Variants in SCAPER observed in about 807,000 individuals in gnomAD.
SCAPER encodes the protein S phase cyclin A-associated protein in the endoplasmic reticulum.
In SCAPER, 98 loss-of-function variants were observed where a neutral mutation model predicts 182.2. That is an observed-to-expected ratio of 0.54 (90% CI 0.46 to 0.64). The LOEUF is 0.64. Ranked by LOEUF, SCAPER falls within the 30% of genes least tolerant of loss-of-function variation. SCAPER has a pLI of 0.00. For synonymous variants in SCAPER, 605 were observed against 564.6 expected (o/e 1.07, Z -1.01); for missense variants, 1,432 against 1,690.0 (o/e 0.85, Z 2.68).
chr15:76,468,149 C>T (rs1467468145), intron 25 of SCAPER, among the ~76,000 whole-genome samples: 1 of 152,046 alleles, frequency 6.6e-6, no homozygotes, highest in East Asian at 1.9e-4. Context: ...AAAATACACT[C>T]AAGTGATTTT....
chr15:76,531,323 C>T (rs566911177), intron 23 of SCAPER, among the ~76,000 whole-genome samples: 33 of 152,064 alleles, frequency 2.2e-4, no homozygotes, highest in Non-Finnish European at 4.7e-4. Flanking sequence ...AAAAACACTC[C>T]CTACAAAAAC....
At chr15:76,587,230 A>G (rs752656486) in intron 22 of SCAPER, among the ~76,000 whole-genome samples, 20 of 152,074 alleles carry the variant, frequency 1.3e-4, no homozygotes, top group Non-Finnish European at 2.6e-4. Flanking sequence ...TATCTTTTCA[A>G]AGAATCAGCT....
At position 76,767,080 on chromosome 15, in the gene SCAPER, T is replaced by G. The variant is rs772500833; in HGVS notation, c.1257A>C (p.Ala419=). Residue 419 remains alanine (A), a synonymous_variant, in exon 11 of 32, where the codon GCA becomes GCC. Transcript: ENST00000563290. The stretch of plus-strand genomic sequence containing the variant: ...GCTCTTCTTTTTTAGCAAGGACTTC[T>G]GCCATGGACTATAAAGTTAAAAACA... ...MDPSDISNSM[A]EVLAKKEELA... The G allele has an allele frequency of 1.9e-6, 3 of 1,582,224 alleles. No individual in the cohort carries two copies. The East Asian group carries it at 6.8e-5, about 36-fold the overall frequency.
chr15:76,608,921 T>C (rs2050721938), intron 22 of SCAPER, among the ~76,000 whole-genome samples: 1 of 152,190 alleles, frequency 6.6e-6, no homozygotes, highest in South Asian at 2.1e-4. Context: ...GTGCCGTCTG[T>C]CACCCCTTTC....
intron 22 of SCAPER, among the ~76,000 whole-genome samples, chr15:76,590,143 A>G (rs2145654108): frequency 6.6e-6 from 1 of 152,256 alleles, no homozygotes; most frequent in South Asian, 2.1e-4. Context: ...TCAACAGTGC[A>G]AGTCTCCACA....
At chr15:76,734,590 C>T (rs2061129299) in intron 15 of SCAPER, among the ~76,000 whole-genome samples, 1 of 152,112 alleles carries the variant, frequency 6.6e-6, no homozygotes, top group South Asian at 2.1e-4. Flanking sequence ...ACTCAAAATA[C>T]AAGATAGGCC....
intron 20 of SCAPER, among the ~76,000 whole-genome samples, chr15:76,696,505 G>A (rs1159219256): frequency 2.0e-4 from 30 of 151,658 alleles, no homozygotes. Flanking sequence ...AAGTATACAA[G>A]GTAACAAACA....
chr15:76,801,217 T>G (rs2065765876), intron 6 of SCAPER, among the ~76,000 whole-genome samples: 1 of 152,218 alleles, frequency 6.6e-6, no homozygotes, highest in South Asian at 2.1e-4. Flanking sequence ...ATTTGCACCA[T>G]TTTCTGATTA....
At chr15:76,714,164 C>T (rs1448239562) in intron 17 of SCAPER, among the ~76,000 whole-genome samples, 1 of 151,762 alleles carries the variant, frequency 6.6e-6, no homozygotes, top group Non-Finnish European at 1.5e-5. Context: ...CTGTGTTGGG[C>T]TGAGGATAGA....
chr15:76,436,846 C>A (rs1280691151), intron 25 of SCAPER, among the ~76,000 whole-genome samples: 2 of 152,164 alleles, frequency 1.3e-5, no homozygotes, highest in Admixed American at 6.5e-5. Context: ...TGAGACCACA[C>A]TTTTCTGCTG....
chr15:76,536,285 A>C (rs1413114533), intron 23 of SCAPER, among the ~76,000 whole-genome samples: 1 of 152,166 alleles, frequency 6.6e-6, no homozygotes, highest in African/African-American at 2.4e-5. Flanking sequence ...CTTCAGCTCA[A>C]GAGTTCACAT....
At chr15:76,692,458 G>T (rs2058413177) in intron 20 of SCAPER, among the ~76,000 whole-genome samples, 1 of 152,122 alleles carries the variant, frequency 6.6e-6, no homozygotes, top group South Asian at 2.1e-4. Flanking sequence ...GGAGGCTGAG[G>T]CTGGTGGATC....
chr15:76,635,267 A>G (rs2053492641), intron 21 of SCAPER, among the ~76,000 whole-genome samples: 1 of 152,130 alleles, frequency 6.6e-6, no homozygotes, highest in African/African-American at 2.4e-5. Context: ...GGTGCACTCA[A>G]ATACATATCT....
At chr15:76,467,993 T>C (rs754148966) in intron 25 of SCAPER, among the ~76,000 whole-genome samples, 80 of 152,294 alleles carry the variant, frequency 5.3e-4, no homozygotes, top group Middle Eastern at 3.4e-3. Context: ...CAGATCACAA[T>C]TAATTAGCTT....
chr15:76,721,141 T>C (rs2060213525), intron 17 of SCAPER, among the ~76,000 whole-genome samples: 1 of 152,250 alleles, frequency 6.6e-6, no homozygotes, highest in South Asian at 2.1e-4. Flanking sequence ...GCTTTCTACA[T>C]ATGGCTAGCC....
chr15:76,888,838 T>C (rs1042007872), intron 1 of SCAPER, among the ~76,000 whole-genome samples: 1 of 152,022 alleles, frequency 6.6e-6, no homozygotes, highest in Admixed American at 6.6e-5. Flanking sequence ...ACCACAAACA[T>C]ACTCCTCGAG....
chr15:76,879,712 T>C (rs2073411795), intron 2 of SCAPER, among the ~76,000 whole-genome samples: 1 of 152,214 alleles, frequency 6.6e-6, no homozygotes, highest in South Asian at 2.1e-4. Flanking sequence ...AGTATTCCTC[T>C]TAGCCCAGCC....
chr15:76,776,405 T>C (rs1015636511), intron 8 of SCAPER, among the ~76,000 whole-genome samples: 3 of 152,142 alleles, frequency 2.0e-5, no homozygotes, highest in Admixed American at 1.3e-4. Flanking sequence ...AAATAGATGA[T>C]ACTCCAATTC....
At chr15:76,844,235 T>C (rs925393381) in intron 4 of SCAPER, among the ~76,000 whole-genome samples, 1 of 140,296 alleles carries the variant, frequency 7.1e-6, no homozygotes, top group Admixed American at 7.3e-5. Context: ...AATAGTGTTT[T>C]AATCAAGGAC....
Sources: allele counts gnomAD v4.1 joint callset (sites outside exome capture counted in the v4.1 genomes callset), GRCh38; gene constraint gnomAD v4.1.1; transcripts MANE v1.5; gene names NCBI Gene and HGNC (gene_info 2026-07-23, HGNC 2026-07-21).